Variants in EPHA3 observed in about 807,000 individuals in gnomAD.
EPHA3 encodes EPH receptor A3.
EPHA3 carries 42 observed loss-of-function variants against 107.1 expected under a neutral mutation model. The observed-to-expected ratio is 0.39, with a 90% CI of 0.31 to 0.51. The LOEUF is 0.51. Among genes scored for constraint, EPHA3 ranks in the 20% least tolerant of loss-of-function variants. The probability of loss-of-function intolerance (pLI) is 0.78; values close to 1 mark genes in which losing one functional copy is unlikely to be tolerated. For missense variants in EPHA3, 1,183 were observed against 1,211.2 expected, an observed-to-expected ratio of 0.98 and a Z score of 0.35; for synonymous variants, 461 against 424.8, an observed-to-expected ratio of 1.09 and a Z score of -1.05.
At chr3:89,377,867 G>GA (rs1360178951) in intron 5 of EPHA3, among the ~76,000 whole-genome samples, 7 of 151,218 alleles carry the variant, frequency 4.6e-5, no homozygotes, top group Non-Finnish European at 8.9e-5. Context: ...CTGAAAATTA[G>GA]AAAAAAAATA....
Position 89,239,100 on chromosome 3 carries a change from C to A in EPHA3, c.814+28580C>A, listed in dbSNP as rs566766882. Among the ~76,000 whole-genome samples, 2 of 152,240 alleles carry A rather than the reference C, an allele frequency of 1.3e-5. 1 individual carries two copies. Among genetic ancestry groups the A allele is most frequent in the African/African-American group, 4.8e-5 (2 of 41,550 alleles). On this transcript the variant is annotated intron_variant, in intron 3 of 16. Transcript: ENST00000336596. ...GCGAGAGTGATTAAACATCTTTAAT[C>A]TTTGGTCCTTCTAGGCTTTGTAGCT...
chr3:89,233,049 T>C (rs1704674031), intron 3 of EPHA3, among the ~76,000 whole-genome samples: 1 of 152,158 alleles, frequency 6.6e-6, no homozygotes, highest in Non-Finnish European at 1.5e-5. Flanking sequence ...TATTTCAGTA[T>C]GCAAGACCAC....
chr3:89,375,655 G>A (rs1474338603), intron 5 of EPHA3, among the ~76,000 whole-genome samples: 1 of 151,888 alleles, frequency 6.6e-6, no homozygotes, highest in African/African-American at 2.4e-5. Context: ...AGCCTAAAGT[G>A]CATGAATAGA....
chr3:89,470,575 AT>A (rs1398128080), intron 15 of EPHA3, among the ~76,000 whole-genome samples: 1 of 152,218 alleles, frequency 6.6e-6, no homozygotes, highest in African/African-American at 2.4e-5. Context: ...CACAAATAGT[AT>A]GTGGTATACC....
At chr3:89,194,799 C>T (rs939081685) in intron 2 of EPHA3, among the ~76,000 whole-genome samples, 9 of 152,108 alleles carry the variant, frequency 5.9e-5, no homozygotes, top group Non-Finnish European at 2.9e-5. Flanking sequence ...TCCAGCAACT[C>T]TGACATTGTT....
At chr3:89,372,375 T>A (rs1708324114) in intron 5 of EPHA3, among the ~76,000 whole-genome samples, 1 of 151,674 alleles carries the variant, frequency 6.6e-6, no homozygotes, top group Non-Finnish European at 1.5e-5. Context: ...ACCCTCATAC[T>A]TAGGTTCAAG....
chr3:89,196,551 C>T (rs1054101359), intron 2 of EPHA3, among the ~76,000 whole-genome samples: 3 of 151,764 alleles, frequency 2.0e-5, no homozygotes, highest in Non-Finnish European at 4.4e-5. Context: ...TCATCTCTCA[C>T]TGCAGCTGCC....
intron 3 of EPHA3, among the ~76,000 whole-genome samples, chr3:89,281,319 C>T (rs905011605): frequency 2.0e-5 from 3 of 152,132 alleles, no homozygotes; most frequent in Non-Finnish European, 2.9e-5. Flanking sequence ...GCCACCACAC[C>T]GGGCCTCTCA....
chr3:89,440,952 G>T (rs1203697363), intron 13 of EPHA3, among the ~76,000 whole-genome samples: 1 of 152,158 alleles, frequency 6.6e-6, no homozygotes, highest in African/African-American at 2.4e-5. Flanking sequence ...TACTCATGTA[G>T]GTTTAAGATA....
intron 3 of EPHA3, among the ~76,000 whole-genome samples, chr3:89,256,501 T>C (rs927945805): frequency 2.0e-5 from 3 of 151,864 alleles, no homozygotes; most frequent in African/African-American, 7.3e-5. Flanking sequence ...GACTCAGAGG[T>C]TGCATTGAGC....
intron 5 of EPHA3, among the ~76,000 whole-genome samples, chr3:89,379,444 A>G (rs1321862255): frequency 6.6e-6 from 1 of 152,174 alleles, no homozygotes; most frequent in Admixed American, 6.5e-5. Context: ...AGAAACTATT[A>G]ATACACACAA....
At chr3:89,442,694 G>C (rs1709808597) in intron 13 of EPHA3, among the ~76,000 whole-genome samples, 1 of 152,160 alleles carries the variant, frequency 6.6e-6, no homozygotes, top group Non-Finnish European at 1.5e-5. Context: ...GTTTCTCTCA[G>C]GTACTTTCTA....
intron 2 of EPHA3, among the ~76,000 whole-genome samples, chr3:89,203,563 G>A (rs1706026724): frequency 6.6e-6 from 1 of 151,748 alleles, no homozygotes; most frequent in Admixed American, 6.6e-5. Flanking sequence ...CACGCGGTCA[G>A]GAGATCGAGA....
chr3:89,430,795 A>T (rs969494289), intron 12 of EPHA3, among the ~76,000 whole-genome samples: 1 of 152,198 alleles, frequency 6.6e-6, no homozygotes, highest in Non-Finnish European at 1.5e-5. Flanking sequence ...CAAACAAATA[A>T]ATATCAACCT....
At chr3:89,290,424 A>C (rs1420816572) in intron 3 of EPHA3, among the ~76,000 whole-genome samples, 1 of 152,150 alleles carries the variant, frequency 6.6e-6, no homozygotes, top group East Asian at 1.9e-4. Context: ...GCTTTTACAC[A>C]TGTAGCATAC....
intron 3 of EPHA3, among the ~76,000 whole-genome samples, chr3:89,302,744 C>T (rs1706521577): frequency 6.6e-6 from 1 of 152,082 alleles, no homozygotes; most frequent in Non-Finnish European, 1.5e-5. Flanking sequence ...TAAAGTTTAG[C>T]TCTATACAAT....
chr3:89,158,803 G>C (rs1417822147), intron 2 of EPHA3, among the ~76,000 whole-genome samples: 1 of 152,072 alleles, frequency 6.6e-6, no homozygotes, highest in East Asian at 1.9e-4. Context: ...GGATCAAGCT[G>C]TCTTCCAAAT....
At chr3:89,145,666 A>G (rs1704540285) in intron 2 of EPHA3, among the ~76,000 whole-genome samples, 1 of 151,814 alleles carries the variant, frequency 6.6e-6, no homozygotes, top group Non-Finnish European at 1.5e-5. Context: ...TAATGTATTA[A>G]ATATCCACTT....
At chr3:89,322,665 G>T (rs1447915084) in intron 3 of EPHA3, among the ~76,000 whole-genome samples, 1 of 152,064 alleles carries the variant, frequency 6.6e-6, no homozygotes, top group African/African-American at 2.4e-5. Context: ...AGTGGGAAGA[G>T]TGTACCTATA....
Sources: allele counts gnomAD v4.1 joint callset (sites outside exome capture counted in the v4.1 genomes callset), GRCh38; gene constraint gnomAD v4.1.1; transcripts MANE v1.5; gene names NCBI Gene and HGNC (gene_info 2026-07-23, HGNC 2026-07-21).